Variants in GLI3 observed in about 807,000 individuals in gnomAD.
The protein encoded by GLI3 is transcription activator GLI3.
Under a neutral mutation model 100.8 loss-of-function variants are expected in GLI3, and 20 were observed. The ratio of observed to expected loss-of-function variants is 0.20; its 90% CI spans 0.14 to 0.29. GLI3 has a LOEUF of 0.29. Among genes scored for constraint, GLI3 ranks in the 10% least tolerant of loss-of-function variants. GLI3 has a pLI of 1.00. For synonymous variants in GLI3, 938 were observed against 860.5 expected, an observed-to-expected ratio of 1.09 and a Z score of -1.58; for missense variants, 2,040 against 2,128.5, an observed-to-expected ratio of 0.96 and a Z score of 0.82.
At chr7:42,178,378 G>C (rs553580093) in intron 2 of GLI3, among the ~76,000 whole-genome samples, 1 of 152,316 alleles carries the variant, frequency 6.6e-6, no homozygotes, top group South Asian at 2.1e-4. Flanking sequence ...CTCGGGCAAT[G>C]ACCAGGACGG....
chr7:42,228,311 G>GC (rs1297461549), intron 1 of GLI3, among the ~76,000 whole-genome samples: 2 of 152,028 alleles, frequency 1.3e-5, no homozygotes, highest in Non-Finnish European at 2.9e-5. Flanking sequence ...GCTTTGATCC[G>GC]CATTTCTGAA....
intron 7 of GLI3, among the ~76,000 whole-genome samples, chr7:42,028,022 T>C (rs1257189189): frequency 6.6e-6 from 1 of 152,214 alleles, no homozygotes; most frequent in Non-Finnish European, 1.5e-5. Flanking sequence ...CAAGCTTTCT[T>C]CTAATAGCTG....
At chr7:42,021,079 G>A (rs942595638) in intron 10 of GLI3, among the ~76,000 whole-genome samples, 1 of 152,158 alleles carries the variant, frequency 6.6e-6, no homozygotes, top group African/African-American at 2.4e-5. Context: ...GTACACGCAT[G>A]TCATGCAATG....
Position 41,967,614 on chromosome 7 carries a change from A to C in GLI3, c.2413T>G (p.Ser805Ala). The C allele has an allele frequency of 6.2e-7, 1 of 1,613,006 alleles. No individual in the cohort carries two copies. The highest frequency in any genetic ancestry group is 2.2e-5 in the East Asian group (1 of 44,872). Reference protein sequence around the residue: ...PILPPKAPAVSPLIGNGTQSN... With the variant: ...PILPPKAPAVAPLIGNGTQSN... ...AACTCACCATTTCCTATGAGAGGAGAGACCGCAGGGGCTTTAGGGGGTAGA... is the reference window on the plus strand; with the variant it reads ...AACTCACCATTTCCTATGAGAGGAGCGACCGCAGGGGCTTTAGGGGGTAGA... Residue 805 changes from serine (S) to alanine (A), a missense_variant, in exon 14 of 15, where the codon TCT (serine) becomes GCT (alanine). Physicochemically the swap from Ser to Ala is moderately conservative, Grantham distance 99. Coordinates refer to ENST00000395925, the MANE Select transcript of GLI3 (RefSeq NM_000168.6).
intron 3 of GLI3, among the ~76,000 whole-genome samples, chr7:42,138,521 A>T (rs1228769316): frequency 1.3e-5 from 2 of 152,190 alleles, no homozygotes; most frequent in African/African-American, 4.8e-5. Context: ...TCTAGCAGGG[A>T]GCGAGGTCAC....
chr7:41,967,845 G>C lies in GLI3; in HGVS notation c.2182C>G (p.Leu728Val), dbSNP rs756678135. The C allele has an allele frequency of 1.2e-6, 2 of 1,614,132 alleles. No homozygotes were observed. The highest frequency in any genetic ancestry group is 1.7e-6 in the Non-Finnish European group (2 of 1,180,004). ...CCTCCATCGGTCAGAGGAAGCTCGA[G>C]CCCACTGTTGGAATAGTTGCTGATG... ...SPISNYSNSG[L>V]ELPLTDGGSI... The change falls in exon 14 of 15, where the codon CTC (leucine) becomes GTC (valine). Residue 728 changes from leucine (L) to valine (V), a missense_variant. Physicochemically the swap from Leu to Val is conservative, Grantham distance 32. This residue lies in a region of GLI3 where 327 missense variants were observed against 338.7 expected (regional missense o/e 0.97). Transcript: ENST00000395925.
chr7:42,136,183 A>G (rs1223259897), intron 3 of GLI3, among the ~76,000 whole-genome samples: 1 of 152,204 alleles, frequency 6.6e-6, no homozygotes, highest in Non-Finnish European at 1.5e-5. Flanking sequence ...ATGAATTAAG[A>G]TCTTTGATCC....
chr7:42,246,641 A>ACAAAT (rs994980994), intron 1 of GLI3, among the ~76,000 whole-genome samples: 2 of 150,984 alleles, frequency 1.3e-5, no homozygotes, highest in African/African-American at 4.9e-5. Flanking sequence ...ACAAAACAAA[A>ACAAAT]CACTACATTG....
At chr7:42,236,879 G>C (rs1025748036) in intron 1 of GLI3, 92 bp downstream of exon 1, 1 of 152,218 alleles carries the variant, frequency 6.6e-6, no homozygotes, top group African/African-American at 2.4e-5. Context: ...CCGTCCCCAC[G>C]CTGGGGACCA....
chr7:42,192,679 G>C (rs1787850999), intron 2 of GLI3, among the ~76,000 whole-genome samples: 1 of 152,198 alleles, frequency 6.6e-6, no homozygotes, highest in South Asian at 2.1e-4. Context: ...TTCTTCTGTT[G>C]AAAATGTTTA....
intron 3 of GLI3, among the ~76,000 whole-genome samples, chr7:42,091,714 G>T (rs1314443006): frequency 6.6e-6 from 1 of 152,224 alleles, no homozygotes; most frequent in East Asian, 1.9e-4. Flanking sequence ...GCCAGGACTA[G>T]CACAAAAGCC....
At chr7:42,200,454 T>C (rs994034201) in intron 2 of GLI3, among the ~76,000 whole-genome samples, 1 of 152,134 alleles carries the variant, frequency 6.6e-6, no homozygotes, top group African/African-American at 2.4e-5. Context: ...CACTAACTCA[T>C]GTAGATGCAG....
intron 3 of GLI3, among the ~76,000 whole-genome samples, chr7:42,104,026 TGAC>T (rs1761172590): frequency 6.6e-6 from 1 of 152,202 alleles, no homozygotes; most frequent in East Asian, 1.9e-4. Context: ...TCTCTTTCCT[TGAC>T]TGTTCACTGT....
chr7:42,140,223 T>C (rs1194893117), intron 3 of GLI3, among the ~76,000 whole-genome samples: 1 of 152,126 alleles, frequency 6.6e-6, no homozygotes, highest in Non-Finnish European at 1.5e-5. Context: ...TCACTCTCTC[T>C]CCCCTGACAG....
At chr7:41,998,791 T>G (rs1182866966) in intron 10 of GLI3, among the ~76,000 whole-genome samples, 2 of 152,224 alleles carry the variant, frequency 1.3e-5, no homozygotes, top group Admixed American at 6.5e-5. Context: ...ATCAAAGCAC[T>G]TTTTTGTGTT....
intron 3 of GLI3, among the ~76,000 whole-genome samples, chr7:42,097,374 T>C (rs560002085): frequency 6.6e-6 from 1 of 152,238 alleles, no homozygotes; most frequent in East Asian, 1.9e-4. Context: ...GGGCGGGAGA[T>C]GTGAGACAGG....
intron 3 of GLI3, chr7:42,113,492 G>T (rs546674286): frequency 5.7e-6 from 5 of 881,458 alleles, no homozygotes; most frequent in Non-Finnish European, 5.7e-6. Context: ...GCCTAAAAAG[G>T]CCCCTGAGAA....
intron 10 of GLI3, among the ~76,000 whole-genome samples, chr7:41,995,014 G>A (rs1403037401): frequency 1.3e-5 from 2 of 152,216 alleles, no homozygotes; most frequent in Non-Finnish European, 2.9e-5. Context: ...GAATGCGCTT[G>A]CAAAATAAAC....
intron 2 of GLI3, among the ~76,000 whole-genome samples, chr7:42,165,774 A>C (rs1787228294): frequency 6.6e-6 from 1 of 152,218 alleles, no homozygotes; most frequent in African/African-American, 2.4e-5. Flanking sequence ...AAAGTCACTG[A>C]GTATACTAAT....
Sources: gnomAD v4.1 joint callset for allele counts (sites outside exome capture counted in the v4.1 genomes callset) on GRCh38, gnomAD v4.1.1 for gene constraint, gnomAD v4.1.1 regional missense constraint, MANE v1.5 for transcripts, NCBI Gene and HGNC (gene_info 2026-07-23, HGNC 2026-07-21) for gene names.